Variants in POU2F2 observed in about 807,000 individuals in gnomAD.
POU2F2 encodes the protein POU class 2 homeobox 2, also known as POU domain, class 2, transcription factor 2.
A neutral mutation model predicts 63.5 loss-of-function variants in POU2F2; 14 were observed. The observed-to-expected ratio is 0.22, with a 90% CI of 0.15 to 0.34. The LOEUF is 0.34. Ranked by LOEUF, POU2F2 falls within the 10% of genes least tolerant of loss-of-function variation. The probability of loss-of-function intolerance (pLI) is 1.00; values close to 1 mark genes in which losing one functional copy is unlikely to be tolerated. For missense variants in POU2F2, 607 were observed against 815.2 expected (o/e 0.74, Z 3.11); for synonymous variants, 306 against 348.6 (o/e 0.88, Z 1.36).
Position 42,121,334 on chromosome 19 carries a change from T to TA in POU2F2, c.186+791dup, listed in dbSNP as rs1302716833. On this transcript the variant is annotated intron_variant, in intron 4 of 14. Transcript: ENST00000692977. ...CTCTCCTCTCATGGTAGCATGGGGGTACACCAGACATGGAGGCAACCACAG... is the reference window on the plus strand; with the variant it reads ...CTCTCCTCTCATGGTAGCATGGGGGTAACACCAGACATGGAGGCAACCACAG... Among the ~76,000 whole-genome samples the TA allele has an allele frequency of 4.6e-5, 7 of 151,938 alleles. No homozygotes were observed. In the East Asian group the frequency reaches 1.4e-3, roughly 29 times the overall value.
chr19:42,190,389 G>A (rs1056354029), intron 1 of POU2F2, among the ~76,000 whole-genome samples: 5 of 152,120 alleles, frequency 3.3e-5, no homozygotes, highest in African/African-American at 1.2e-4. Flanking sequence ...TGTTGAGACT[G>A]AAAGGGTAGG....
At chr19:42,138,586 G>C (rs762460874) in intron 2 of POU2F2, among the ~76,000 whole-genome samples, 1 of 152,096 alleles carries the variant, frequency 6.6e-6, no homozygotes, top group Non-Finnish European at 1.5e-5. Context: ...TGTGGGGACC[G>C]GCTGGTAGCA....
chr19:42,196,965 G>C (rs992110042), upstream of POU2F2, among the ~76,000 whole-genome samples: 1 of 152,240 alleles, frequency 6.6e-6, no homozygotes, highest in Non-Finnish European at 1.5e-5. Flanking sequence ...CGGAAGCAGG[G>C]GCAGAGCCTG....
chr19:42,109,169 G>A (rs1785600834), intron 5 of POU2F2, among the ~76,000 whole-genome samples: 1 of 152,204 alleles, frequency 6.6e-6, no homozygotes, highest in African/African-American at 2.4e-5. Context: ...AACTTGAGGA[G>A]TTCACTGAGG....
In POU2F2 at chr19:42,183,181, T is replaced by C. The variant is rs201888847; in HGVS notation, c.-70+13202A>G. On this transcript the variant is annotated intron_variant, in intron 1 of 5. Transcript: ENST00000532176. ...ATACTATCACGAATTAGCACTATGCTGTAAGCTGAAGAAACAAATGCAAAT... is the reference window on the plus strand; with the variant it reads ...ATACTATCACGAATTAGCACTATGCCGTAAGCTGAAGAAACAAATGCAAAT... Among the ~76,000 whole-genome samples the C allele has an allele frequency of 2.6e-5, 4 of 152,212 alleles. No individual in the cohort carries two copies. The East Asian group carries it at 7.7e-4, about 29-fold the overall frequency.
intron 2 of POU2F2, among the ~76,000 whole-genome samples, chr19:42,154,744 C>G (rs186556611): frequency 6.6e-6 from 1 of 151,698 alleles, no homozygotes; most frequent in Non-Finnish European, 1.5e-5. Context: ...AAGGGGATCA[C>G]GTCCAAAGTG....
chr19:42,094,688 A>C (rs1451418602), intron 11 of POU2F2, among the ~76,000 whole-genome samples: 2 of 152,162 alleles, frequency 1.3e-5, no homozygotes, highest in Non-Finnish European at 2.9e-5. Context: ...GCCTTAGTAC[A>C]CACTGGTCCA....
At chr19:42,121,265 G>A (rs1163373929) in intron 4 of POU2F2, among the ~76,000 whole-genome samples, 3 of 152,114 alleles carry the variant, frequency 2.0e-5, no homozygotes, top group Non-Finnish European at 2.9e-5. Context: ...CGTTCAAAGC[G>A]CTCAGCACAG....
chr19:42,194,307 AG>A (rs1431909099), intron 1 of POU2F2, among the ~76,000 whole-genome samples: 1 of 152,166 alleles, frequency 6.6e-6, no homozygotes. Context: ...GCTTGAGCCC[AG>A]GAGTTTGAGG....
intron 1 of POU2F2, among the ~76,000 whole-genome samples, chr19:42,195,499 AT>A (rs1403431939): frequency 6.6e-6 from 1 of 151,326 alleles, no homozygotes; most frequent in African/African-American, 2.4e-5. Flanking sequence ...CACCAGGCTA[AT>A]TTTTTGTATT....
chr19:42,128,796 A>T (rs1344917629), intron 1 of POU2F2, among the ~76,000 whole-genome samples: 1 of 151,682 alleles, frequency 6.6e-6, no homozygotes, highest in African/African-American at 2.4e-5. Flanking sequence ...ACAGGGTGTG[A>T]CTTGGGCATC....
At chr19:42,115,945 G>A (rs895444230) in intron 5 of POU2F2, among the ~76,000 whole-genome samples, 1 of 152,204 alleles carries the variant, frequency 6.6e-6, no homozygotes, top group African/African-American at 2.4e-5. Flanking sequence ...GACGACAGAG[G>A]AGGCAGAGAT....
At chr19:42,125,907 G>A (rs1190088155) in intron 1 of POU2F2, among the ~76,000 whole-genome samples, 1 of 152,140 alleles carries the variant, frequency 6.6e-6, no homozygotes, top group Non-Finnish European at 1.5e-5. Flanking sequence ...CTCCCACCTA[G>A]CTGGGCATCC....
intron 1 of POU2F2, 25 bp from the exon 2 acceptor site, chr19:42,122,601 TG>T: frequency 1.3e-6 from 2 of 1,532,024 alleles, no homozygotes; most frequent in Non-Finnish European, 1.8e-6. Context: ...GGAATGGAAG[TG>T]GGGTGAAGGA....
rs984273301 is a variant in POU2F2, at chr19:42,153,834, G to A, written c.-9+6498C>T. Among the ~76,000 whole-genome samples, 7 of 152,092 alleles carry A rather than the reference G, an allele frequency of 4.6e-5. No individual in the cohort carries two copies. Among genetic ancestry groups the A allele is most frequent in the Admixed American group, 3.3e-4 (5 of 15,274 alleles). ...TCTCTGAGTGGGGGAGGGTGGCGAG[G>A]CAGCAGGGGCTGCCACGGAGACACT... On this transcript the variant is annotated intron_variant, in intron 2 of 6. Coordinates refer to the POU2F2 transcript ENST00000524801. This position sits in a 1 kb window ranked among gnomAD's most constrained non-coding sequence, Gnocchi z 5.6.
intron 5 of POU2F2, chr19:42,116,680 G>A (rs2031908225): frequency 6.5e-6 from 2 of 305,562 alleles, no homozygotes; most frequent in South Asian, 5.1e-5. Context: ...TTCACTGCAG[G>A]GAGCCTGGTC....
chr19:42,178,165 G>A (rs1048933643), upstream of POU2F2, among the ~76,000 whole-genome samples: 2 of 151,552 alleles, frequency 1.3e-5, no homozygotes, highest in Admixed American at 6.6e-5. Context: ...AGGGAGGAGG[G>A]AGCAGATGGG....
intron 1 of POU2F2, among the ~76,000 whole-genome samples, chr19:42,173,216 T>C (rs1003070603): frequency 6.6e-6 from 1 of 152,176 alleles, no homozygotes; most frequent in African/African-American, 2.4e-5. Context: ...CTAACAACTC[T>C]TCACACTTGG....
chr19:42,093,928 A>C, intron 11 of POU2F2, 33 bp from the exon 12 acceptor site: 1 of 1,580,170 alleles, frequency 6.3e-7, no homozygotes, highest in Non-Finnish European at 8.7e-7. Flanking sequence ...GTGGTTAGCC[A>C]CTGTCTGCCA....
Sources: allele counts gnomAD v4.1 joint callset (sites outside exome capture counted in the v4.1 genomes callset), GRCh38; gene constraint gnomAD v4.1.1; non-coding constraint Gnocchi (gnomAD v3.1); transcripts MANE v1.5; gene names NCBI Gene and HGNC (gene_info 2026-07-23, HGNC 2026-07-21).